The following SLC35F4 variants were observed in gnomAD, a reference collection of about 807,000 sequenced individuals.
SLC35F4 encodes the protein solute carrier family 35 member F4.
Under a neutral mutation model 44.2 loss-of-function variants are expected in SLC35F4, and 24 were observed. That is an observed-to-expected ratio of 0.54 (90% CI 0.39 to 0.76). The LOEUF (loss-of-function observed/expected upper bound fraction) is 0.76. SLC35F4 is among the 30% of genes least tolerant of loss of function. The probability of loss-of-function intolerance (pLI) is 0.00; values close to 1 mark genes in which losing one functional copy is unlikely to be tolerated. For missense variants in SLC35F4, 562 were observed against 586.1 expected (o/e 0.96, Z 0.42); for synonymous variants, 238 against 223.6 (o/e 1.06, Z -0.57).
chr14:57,678,442 T>C (rs2074774152), intron 1 of SLC35F4, among the ~76,000 whole-genome samples: 1 of 152,070 alleles, frequency 6.6e-6, no homozygotes, highest in African/African-American at 2.4e-5. Context: ...TCATCGATCC[T>C]ATGAAGAAAA....
chr14:57,687,804 A>T (rs1312997488), intron 1 of SLC35F4, among the ~76,000 whole-genome samples: 2 of 152,214 alleles, frequency 1.3e-5, no homozygotes, highest in African/African-American at 4.8e-5. Flanking sequence ...GCAAAAAGAA[A>T]AACATTCATC....
intron 1 of SLC35F4, among the ~76,000 whole-genome samples, chr14:57,743,024 T>C (rs953993782): frequency 6.6e-6 from 1 of 152,002 alleles, no homozygotes; most frequent in Non-Finnish European, 1.5e-5. Context: ...TTGAAACCAA[T>C]GAGAACAAAG....
chr14:57,749,893 T>C (rs2076842680), intron 1 of SLC35F4, among the ~76,000 whole-genome samples: 1 of 152,246 alleles, frequency 6.6e-6, no homozygotes, highest in African/African-American at 2.4e-5. Context: ...ATTTGAAATC[T>C]AATGTTAATT....
chr14:57,817,423 C>A (rs1312222842), intron 1 of SLC35F4, among the ~76,000 whole-genome samples: 1 of 152,136 alleles, frequency 6.6e-6, no homozygotes, highest in African/African-American at 2.4e-5. Context: ...AAGGACTTCA[C>A]CTGAGGCAGG....
intron 1 of SLC35F4, among the ~76,000 whole-genome samples, chr14:57,602,155 A>G (rs1474849567): frequency 2.8e-4 from 5 of 17,602 alleles, no homozygotes; most frequent in Admixed American, 1.5e-3. Flanking sequence ...GATTAATTTC[A>G]GCCTGGATGG....
rs574900816 is a variant in SLC35F4 at position 57,617,738 on chromosome 14, G to T, written c.104-23614C>A. Among the ~76,000 whole-genome samples, 3 of 152,264 alleles carry T rather than the reference G, an allele frequency of 2.0e-5. No homozygotes were observed. The South Asian group carries it at 6.2e-4, about 32-fold the overall frequency. On this transcript the variant is annotated intron_variant, in intron 1 of 7. Transcript: ENST00000556826. ...AGTCATGGCAGAGGCATTTAACCAGGCTGGGGGCTCAAGCAAGCTTTCCTA... is the reference window on the plus strand; with the variant it reads ...AGTCATGGCAGAGGCATTTAACCAGTCTGGGGGCTCAAGCAAGCTTTCCTA...
chr14:57,623,547 C>A (rs928827998), intron 1 of SLC35F4, among the ~76,000 whole-genome samples: 1 of 152,034 alleles, frequency 6.6e-6, no homozygotes, highest in South Asian at 2.1e-4. Flanking sequence ...TAAAATTGAC[C>A]ACATAATTGG....
At chr14:57,900,398 C>G (rs1013319550) in intron 1 of SLC35F4, among the ~76,000 whole-genome samples, 5 of 152,052 alleles carry the variant, frequency 3.3e-5, no homozygotes, top group African/African-American at 1.2e-4. Flanking sequence ...TTGTTTAGGT[C>G]GGGGTCATGT....
intron 1 of SLC35F4, among the ~76,000 whole-genome samples, chr14:57,930,452 C>A (rs1594632815): frequency 6.6e-6 from 1 of 152,170 alleles, no homozygotes; most frequent in Admixed American, 6.5e-5. Context: ...ACCACCACCA[C>A]GTGGAAACAC....
intron 1 of SLC35F4, among the ~76,000 whole-genome samples, chr14:57,944,690 GAAAGA>G (rs751918784): frequency 0.057 from 5,006 of 88,404 alleles, 137 homozygotes; most frequent in African/African-American, 0.1. Flanking sequence ...AGAAAAGAAA[GAAAGA>G]AAAGAAAGAA....
At chr14:57,716,219 A>G (rs1455620719) in intron 1 of SLC35F4, among the ~76,000 whole-genome samples, 3 of 152,104 alleles carry the variant, frequency 2.0e-5, no homozygotes, top group Non-Finnish European at 4.4e-5. Flanking sequence ...AACCCTTCTG[A>G]AGTCAAAAAA....
At chr14:57,728,056 G>C (rs2076247553) in intron 1 of SLC35F4, among the ~76,000 whole-genome samples, 1 of 152,104 alleles carries the variant, frequency 6.6e-6, no homozygotes, top group African/African-American at 2.4e-5. Context: ...TAATTTATCT[G>C]GGTGCTCCAG....
intron 1 of SLC35F4, among the ~76,000 whole-genome samples, chr14:57,638,277 T>A (rs1171357378): frequency 6.6e-6 from 1 of 152,112 alleles, no homozygotes; most frequent in Non-Finnish European, 1.5e-5. Context: ...ACAGACTGGT[T>A]CTGGCTGGTT....
At chr14:57,966,425 CAAAGTACCTTT>C (rs1487169756) in intron 1 of SLC35F4, among the ~76,000 whole-genome samples, 1 of 152,050 alleles carries the variant, frequency 6.6e-6, no homozygotes, top group African/African-American at 2.4e-5. Context: ...GCTATTAGAC[CAAAGTACCTTT>C]CAGAATTTAA....
intron 1 of SLC35F4, chr14:57,595,640 C>G (rs945812613): frequency 6.6e-6 from 1 of 152,154 alleles, no homozygotes; most frequent in Non-Finnish European, 1.5e-5. Context: ...TTAGTTCATA[C>G]TTTGGGTTAT....
intron 1 of SLC35F4, among the ~76,000 whole-genome samples, chr14:57,658,635 C>T (rs2074041813): frequency 6.6e-6 from 1 of 152,136 alleles, no homozygotes; most frequent in African/African-American, 2.4e-5. Context: ...AATTCAAACA[C>T]CAATTCCTAA....
At chr14:57,672,732 A>AT (rs1378732493) in intron 1 of SLC35F4, among the ~76,000 whole-genome samples, 2 of 151,952 alleles carry the variant, frequency 1.3e-5, no homozygotes, top group African/African-American at 4.8e-5. Context: ...GTATATTCTT[A>AT]TTTTTATTCT....
intron 1 of SLC35F4, among the ~76,000 whole-genome samples, chr14:57,782,727 C>T (rs961490045): frequency 2.0e-5 from 3 of 152,160 alleles, no homozygotes; most frequent in Admixed American, 6.5e-5. Context: ...TTGTGTATGA[C>T]AGTAAAAAAC....
chr14:57,895,783 T>C (rs1403205241), intron 1 of SLC35F4, among the ~76,000 whole-genome samples: 3 of 152,112 alleles, frequency 2.0e-5, no homozygotes, highest in African/African-American at 7.2e-5. Context: ...TGGGTAGTTC[T>C]TTATAGCAAT....
Sources: allele counts gnomAD v4.1 joint callset (sites outside exome capture counted in the v4.1 genomes callset), GRCh38; gene constraint gnomAD v4.1.1; transcripts MANE v1.5; gene names NCBI Gene and HGNC (gene_info 2026-07-23, HGNC 2026-07-21).